KPNA7: variants seen among roughly 807,000 people sequenced by gnomAD.
KPNA7 encodes the protein importin subunit alpha-8.
Under a neutral mutation model 53.7 loss-of-function variants are expected in KPNA7, and 54 were observed. That is an observed-to-expected ratio of 1.01 (90% CI 0.81 to 1.26). The LOEUF is 1.26. Among genes scored for constraint, KPNA7 ranks in the 50% most tolerant of loss-of-function variants. The pLI is 0.00. For missense variants in KPNA7, 640 were observed against 644.5 expected (o/e 0.99, Z 0.07); for synonymous variants, 276 against 259.3 (o/e 1.06, Z -0.62).
chr7:99,184,945 A>G lies in KPNA7; in HGVS notation c.1118T>C (p.Val373Ala). 1.3e-6 allele frequency: 2 copies of G among 1,552,026 alleles called. No individual in the cohort carries two copies. The highest frequency in any genetic ancestry group is 8.7e-7 in the Non-Finnish European group (1 of 1,147,040). ...LLAYDVLPPL[V>A]ALLKNGEFKV... Reference sequence around the variant, plus strand: ...GCCACTTACGTTTTTTAGCAGAGCCACCAAGGGAGGCAAGACGTCGTAGGC... The same window carrying G: ...GCCACTTACGTTTTTTAGCAGAGCCGCCAAGGGAGGCAAGACGTCGTAGGC... Residue 373 changes from valine to alanine, a missense_variant, in exon 8 of 11, where the codon GTG (valine) becomes GCG (alanine). Val to Ala is a moderately conservative substitution (Grantham distance 64). Coordinates refer to ENST00000327442, the MANE Select transcript of KPNA7 (RefSeq NM_001145715.3).
At chr7:99,195,367 G>T (rs1033515378) in intron 4 of KPNA7, 29 bp from the exon 5 acceptor site, 2 of 1,545,348 alleles carry the variant, frequency 1.3e-6, no homozygotes, top group Non-Finnish European at 1.8e-6. Context: ...GGCAGGGGAG[G>T]GGGAGGTCAA....
chr7:99,187,562 T>G (rs188825600), intron 7 of KPNA7, among the ~76,000 whole-genome samples: 5,913 of 138,768 alleles, frequency 0.043, 193 homozygotes, highest in East Asian at 0.16. Flanking sequence ...CTAATTTTTT[T>G]TTTTTTTTTT....
intron 10 of KPNA7, among the ~76,000 whole-genome samples, chr7:99,177,427 T>C (rs557276301): frequency 5.1e-4 from 78 of 151,902 alleles, no homozygotes; most frequent in Non-Finnish European, 9.4e-4. Context: ...TACTAAAGAT[T>C]AGCTGGGCGT....
At position 99,173,993 on chromosome 7, in the gene KPNA7, C is replaced by G. The variant is rs142933039; in HGVS notation, c.1465-199G>C. ...TCTAGAACTTTTTCATCTTGCACAA[C>G]TGAAGCTTTGTACCTATTGCATCAG... is the stretch of plus-strand genomic sequence containing the variant. On this transcript the variant is annotated intron_variant, in intron 10 of 10. Coordinates refer to ENST00000327442, the MANE Select transcript of KPNA7 (RefSeq NM_001145715.3). Among the ~76,000 whole-genome samples the G allele has an allele frequency of 1.6e-4, 25 of 152,356 alleles. No individual in the cohort carries two copies. The East Asian group carries it at 4.6e-3, about 28-fold the overall frequency.
rs1789496212 is a variant in KPNA7, at chr7:99,184,929, G to GT, written c.1133dup (p.Asn378LysfsTer5). ...CATGGTTGCTGTGTGCGCCACTTAC[G>GT]TTTTTTAGCAGAGCCACCAAGGGAG... On this transcript the variant is annotated frameshift_variant and splice_region_variant, in exon 8 of 11. Transcript: ENST00000327442. LOFTEE classifies it high-confidence loss of function. 1.9e-6 allele frequency: 3 copies of GT among 1,551,812 alleles called. No individual in the cohort carries two copies. The highest frequency in any genetic ancestry group is 2.6e-6 in the Non-Finnish European group (3 of 1,146,914).
At chr7:99,191,020 T>TC (rs1052895643) in intron 6 of KPNA7, among the ~76,000 whole-genome samples, 1 of 152,068 alleles carries the variant, frequency 6.6e-6, no homozygotes, top group African/African-American at 2.4e-5. Flanking sequence ...CCTGCACTTT[T>TC]CCCCTTTCTC....
intron 3 of KPNA7, among the ~76,000 whole-genome samples, chr7:99,200,766 A>G (rs1313432080): frequency 6.6e-6 from 1 of 152,192 alleles, no homozygotes; most frequent in African/African-American, 2.4e-5. Context: ...GCTTGAGGTC[A>G]GGAGTTCGAG....
chr7:99,215,946 C>T (rs1584327535), intron 1 of KPNA7, among the ~76,000 whole-genome samples: 1 of 151,526 alleles, frequency 6.6e-6, no homozygotes, highest in East Asian at 1.9e-4. Context: ...CACTACGCTC[C>T]AGCCTAGGCA....
intron 9 of KPNA7, among the ~76,000 whole-genome samples, chr7:99,178,833 A>G (rs1799032248): frequency 7.2e-6 from 1 of 138,172 alleles, no homozygotes; most frequent in South Asian, 2.5e-4. Flanking sequence ...CCCAGGCTGG[A>G]GTGCAGTGGC....
chr7:99,151,358 C>CA, the KPNA7 span, among the ~76,000 whole-genome samples: 2 of 152,154 alleles, frequency 1.3e-5, no homozygotes, highest in South Asian at 4.2e-4. Flanking sequence ...CTAGAAAGCA[C>CA]AATTTTGTTA....
rs553962461 is a variant in KPNA7, at chr7:99,181,438, ATTTG to A, written c.1317+441_1317+444del. Among the ~76,000 whole-genome samples the A allele has an allele frequency of 2.6e-5, 4 of 152,372 alleles. No homozygotes were observed. The South Asian group carries it at 8.3e-4, about 32-fold the overall frequency. On this transcript the variant is annotated intron_variant, in intron 9 of 10. Coordinates refer to ENST00000327442, the MANE Select transcript of KPNA7 (RefSeq NM_001145715.3). ...CTGAAAAAATATCTGGCACATAGACATTTGTTTGAGAAAACGAAGACCATGGTCC... is the reference window on the plus strand; with the variant it reads ...CTGAAAAAATATCTGGCACATAGACATTTGAGAAAACGAAGACCATGGTCC...
the KPNA7 span, among the ~76,000 whole-genome samples, chr7:99,168,280 CTGTT>C: frequency 2.0e-5 from 3 of 152,182 alleles, no homozygotes; most frequent in Non-Finnish European, 4.4e-5. Context: ...CCCCCAGAGT[CTGTT>C]TGAAGTGCAA....
At chr7:99,168,878 T>C (rs182679283), downstream of KPNA7, among the ~76,000 whole-genome samples, 1 of 152,264 alleles carries the variant, frequency 6.6e-6, no homozygotes, top group East Asian at 1.9e-4. Flanking sequence ...GACATTAGTT[T>C]CCTTCCAATC....
At chr7:99,162,941 G>A in the KPNA7 span, among the ~76,000 whole-genome samples, 1 of 152,158 alleles carries the variant, frequency 6.6e-6, no homozygotes, top group African/African-American at 2.4e-5. Context: ...AACACTTTGG[G>A]AGGCTGACAC....
the KPNA7 span, among the ~76,000 whole-genome samples, chr7:99,161,017 C>A: frequency 2.0e-5 from 3 of 152,120 alleles, no homozygotes; most frequent in Non-Finnish European, 2.9e-5. Context: ...TGTGCCACCA[C>A]ACCTGGCTTA....
At chr7:99,206,020 A>G (rs750513783) in intron 2 of KPNA7, among the ~76,000 whole-genome samples, 1 of 152,016 alleles carries the variant, frequency 6.6e-6, no homozygotes, top group African/African-American at 2.4e-5. Context: ...TCCAAGTCCT[A>G]TTTCTACAAG....
chr7:99,203,107 G>A lies in KPNA7; in HGVS notation c.200C>T (p.Ala67Val), dbSNP rs1484427829. Residue 67 changes from alanine to valine, a missense_variant and splice_region_variant, in exon 3 of 11, where the codon GCG becomes GTG. By Grantham distance (64) the Ala-to-Val change is moderately conservative (BLOSUM62 0). Coordinates refer to ENST00000327442, the MANE Select transcript of KPNA7 (RefSeq NM_001145715.3). ...CTACTCTAAACACTACATACTGACC[G>A]CCACCCCTTTGGCTGTTTTTTCAGA... The part of the protein sequence containing the change: ...TPSEKTAKGV[A>V]VSLTLGEIIK... The A allele has an allele frequency of 2.3e-5, 36 of 1,551,396 alleles. No homozygotes were observed. Among genetic ancestry groups the A allele is most frequent in the African/African-American group, 5.5e-5 (4 of 73,008 alleles).
Position 99,203,199 on chromosome 7 carries a change from T to C in KPNA7, c.108A>G (p.Arg36=). ...AGGTCTGTTCATCTTTCTTGGCCTT[T>C]CGGAGCTCCAGACTGACCGCCATCC... ...QQRMAVSLEL[R]KAKKDEQTLK... The change falls in exon 3 of 11, where the codon CGA becomes CGG. Residue 36 remains arginine, a synonymous_variant. Transcript: ENST00000327442. 1 of 1,551,742 alleles carries C rather than the reference T, an allele frequency of 6.4e-7. No homozygotes were observed.
chr7:99,203,110 A>G lies in KPNA7; in HGVS notation c.197T>C (p.Val66Ala). Residue 66 changes from valine (V) to alanine (A), a missense_variant, in exon 3 of 11, where the codon GTG becomes GCG. Val to Ala is a moderately conservative substitution (Grantham distance 64). Coordinates refer to ENST00000327442, the MANE Select transcript of KPNA7 (RefSeq NM_001145715.3). ...DTPSEKTAKG[V>A]AVSLTLGEII... is the part of the protein sequence containing the mutation. Reference sequence around the variant, plus strand: ...CTCTAAACACTACATACTGACCGCCACCCCTTTGGCTGTTTTTTCAGAAGG... The same window carrying G: ...CTCTAAACACTACATACTGACCGCCGCCCCTTTGGCTGTTTTTTCAGAAGG... 6.4e-7 allele frequency: 1 copy of G among 1,551,522 alleles called. No homozygotes were observed. The highest frequency in any genetic ancestry group is 8.7e-7 in the Non-Finnish European group (1 of 1,146,978).
Sources: allele counts gnomAD v4.1 joint callset (sites outside exome capture counted in the v4.1 genomes callset), GRCh38; gene constraint gnomAD v4.1.1; transcripts MANE v1.5; gene names NCBI Gene and HGNC (gene_info 2026-07-23, HGNC 2026-07-21).